Variants in CTNNA3 observed in about 807,000 individuals in gnomAD.
The protein encoded by CTNNA3 is catenin alpha-3.
CTNNA3 carries 76 observed loss-of-function variants against 95.7 expected under a neutral mutation model. The observed-to-expected ratio is 0.79, with a 90% CI of 0.66 to 0.96. The LOEUF (loss-of-function observed/expected upper bound fraction) is 0.96. Among genes scored for constraint, CTNNA3 ranks in the 40% least tolerant of loss-of-function variants. The pLI, the probability that CTNNA3 is intolerant of heterozygous loss-of-function variation, is 0.00. For missense variants in CTNNA3, 1,191 were observed against 1,089.8 expected, an observed-to-expected ratio of 1.09 and a Z score of -1.31; for synonymous variants, 431 against 374.4, an observed-to-expected ratio of 1.15 and a Z score of -1.74.
At chr10:66,750,665 C>G (rs537422661) in intron 9 of CTNNA3, among the ~76,000 whole-genome samples, 1 of 152,272 alleles carries the variant, frequency 6.6e-6, no homozygotes, top group East Asian at 1.9e-4. Context: ...CAATGTTGTA[C>G]TTCTCTTTCA....
chr10:65,917,580 C>G lies in CTNNA3; in HGVS notation c.*2750G>C, dbSNP rs1259213940. ...CACCCCTCTCCTCCCTCTCAAGGAA[C>G]GTTTTTCCCTATGTAAATTAACACA... On this transcript the variant is annotated 3_prime_UTR_variant, in exon 18 of 18. Transcript: ENST00000433211. 6.6e-6 allele frequency: 1 copy of G among 151,806 alleles called. No homozygotes were observed. The highest frequency in any genetic ancestry group is 6.6e-5 in the Admixed American group (1 of 15,214). The allele number at this position is 151,806 out of a possible 1,614,324, so 9.4% of individuals were successfully genotyped here. A position where few individuals can be genotyped will look rare whatever the true frequency, so the allele number is the denominator to read the frequency against.
At chr10:67,513,378 T>G (rs1839702960) in intron 5 of CTNNA3, among the ~76,000 whole-genome samples, 1 of 152,230 alleles carries the variant, frequency 6.6e-6, no homozygotes, top group African/African-American at 2.4e-5. Context: ...TTGTTGTACA[T>G]TTCTGTGAAC....
chr10:67,204,309 C>T (rs1159964018), intron 6 of CTNNA3, among the ~76,000 whole-genome samples: 1 of 152,008 alleles, frequency 6.6e-6, no homozygotes, highest in East Asian at 1.9e-4. Context: ...CACCATCTCC[C>T]CTTGGTACTG....
intron 7 of CTNNA3, among the ~76,000 whole-genome samples, chr10:67,062,641 T>C (rs1855826709): frequency 6.6e-6 from 1 of 152,124 alleles, no homozygotes; most frequent in African/African-American, 2.4e-5. Context: ...ACATTCTTCT[T>C]TGCAAATGTT....
At chr10:66,176,029 C>G (rs992404476) in intron 13 of CTNNA3, among the ~76,000 whole-genome samples, 9 of 152,006 alleles carry the variant, frequency 5.9e-5, no homozygotes, top group African/African-American at 2.2e-4. Flanking sequence ...AAAATGTGAA[C>G]AGTTTTATTT....
intron 10 of CTNNA3, among the ~76,000 whole-genome samples, chr10:66,532,355 G>A (rs1418680629): frequency 6.6e-6 from 1 of 151,998 alleles, no homozygotes; most frequent in Non-Finnish European, 1.5e-5. Flanking sequence ...CCAGCTACTG[G>A]GGAGGCTGAG....
intron 9 of CTNNA3, among the ~76,000 whole-genome samples, chr10:66,725,532 A>C (rs535923734): frequency 1.3e-4 from 20 of 152,110 alleles, no homozygotes; most frequent in Non-Finnish European, 2.8e-4. Flanking sequence ...AAGTGCTGTA[A>C]AGTAGAGCTT....
At chr10:66,231,160 G>T (rs6480149) in intron 13 of CTNNA3, among the ~76,000 whole-genome samples, 105,172 of 151,946 alleles carry the variant, frequency 0.69, 36,517 homozygotes, top group South Asian at 0.78. Context: ...TGGCTGTGAA[G>T]CTCTCCTGTT....
intron 6 of CTNNA3, among the ~76,000 whole-genome samples, chr10:67,203,421 C>G (rs1863736183): frequency 6.6e-6 from 1 of 152,140 alleles, no homozygotes; most frequent in South Asian, 2.1e-4. Context: ...CCTCTTTCCT[C>G]TATAAATTAT....
At chr10:67,253,632 A>T (rs1866201411) in intron 5 of CTNNA3, among the ~76,000 whole-genome samples, 1 of 152,210 alleles carries the variant, frequency 6.6e-6, no homozygotes, top group Non-Finnish European at 1.5e-5. Context: ...CAGGGGATTC[A>T]ACTGTTGGGA....
At chr10:67,040,685 C>A (rs979885715) in intron 7 of CTNNA3, among the ~76,000 whole-genome samples, 8 of 151,982 alleles carry the variant, frequency 5.3e-5, no homozygotes, top group Non-Finnish European at 1.2e-4. Context: ...CAAATTAAAA[C>A]CCCTGAGAAT....
At chr10:66,284,120 C>T (rs937382030) in intron 12 of CTNNA3, among the ~76,000 whole-genome samples, 6 of 151,912 alleles carry the variant, frequency 3.9e-5, no homozygotes, top group Admixed American at 3.9e-4. Context: ...AACACCCCGG[C>T]GACTTCAAAG....
intron 11 of CTNNA3, among the ~76,000 whole-genome samples, chr10:66,509,842 C>G (rs1840593567): frequency 1.3e-5 from 2 of 151,664 alleles, no homozygotes; most frequent in South Asian, 4.2e-4. Context: ...TGTACTATCG[C>G]CAGTTTTACC....
chr10:66,073,996 C>A (rs1231281185), intron 14 of CTNNA3, among the ~76,000 whole-genome samples: 1 of 152,038 alleles, frequency 6.6e-6, no homozygotes, highest in Non-Finnish European at 1.5e-5. Context: ...AAGCCTCCTT[C>A]TATCTTCTGC....
intron 13 of CTNNA3, among the ~76,000 whole-genome samples, chr10:66,241,862 T>TTTAAGGTGAA (rs776070694): frequency 0.21 from 32,482 of 152,048 alleles, 3,641 homozygotes; most frequent in South Asian, 0.29. Context: ...AAAAATCTAA[T>TTTAAGGTGAA]ATAACCAAAT....
chr10:66,727,823 G>C (rs1848826460), intron 9 of CTNNA3, among the ~76,000 whole-genome samples: 8 of 152,052 alleles, frequency 5.3e-5, no homozygotes, highest in Admixed American at 4.6e-4. Context: ...TCAAGTAATA[G>C]GGAATATTTT....
chr10:66,302,519 T>C (rs1375277815), intron 12 of CTNNA3, among the ~76,000 whole-genome samples: 1 of 152,072 alleles, frequency 6.6e-6, no homozygotes, highest in Non-Finnish European at 1.5e-5. Flanking sequence ...AAAGACACTA[T>C]GAAGACGTGA....
At chr10:66,506,205 C>T (rs148237401) in intron 11 of CTNNA3, among the ~76,000 whole-genome samples, 265 of 152,258 alleles carry the variant, frequency 1.7e-3, no homozygotes, top group African/African-American at 6.3e-3. Flanking sequence ...AGGATCCACA[C>T]CCAAGGCCTA....
intron 7 of CTNNA3, among the ~76,000 whole-genome samples, chr10:67,079,214 C>T: frequency 6.6e-6 from 1 of 152,124 alleles, no homozygotes. Flanking sequence ...AACTTATGAG[C>T]ACACGCTGTG....
Sources: gnomAD v4.1 joint callset for allele counts (sites outside exome capture counted in the v4.1 genomes callset) on GRCh38, gnomAD v4.1.1 for gene constraint, MANE v1.5 for transcripts, NCBI Gene and HGNC (gene_info 2026-07-23, HGNC 2026-07-21) for gene names.